TBL1XR1: variants seen among roughly 807,000 people sequenced by gnomAD.
TBL1XR1 encodes TBL1X/Y related 1.
A neutral mutation model predicts 66.9 loss-of-function variants in TBL1XR1; 5 were observed. The ratio of observed to expected loss-of-function variants is 0.07; its 90% CI spans 0.04 to 0.16. The LOEUF (loss-of-function observed/expected upper bound fraction) is 0.16. Among genes scored for constraint, TBL1XR1 ranks in the 10% least tolerant of loss-of-function variants. The pLI is 1.00. For synonymous variants in TBL1XR1, 210 were observed against 206.0 expected (o/e 1.02, Z -0.17); for missense variants, 238 against 623.2 (o/e 0.38, Z 6.58).
intron 1 of TBL1XR1, among the ~76,000 whole-genome samples, chr3:177,134,971 G>GTGTGTGTGTGTGTGTGTC (rs1283330297): frequency 0.085 from 12,374 of 145,408 alleles, 571 homozygotes; most frequent in Non-Finnish European, 0.12. Context: ...GTGTGTCTGT[G>GTGTGTGTGTGTGTGTGTC]TGTGTGTCTG....
chr3:177,141,496 T>C (rs1424855902), intron 1 of TBL1XR1, among the ~76,000 whole-genome samples: 2 of 152,244 alleles, frequency 1.3e-5, no homozygotes, highest in African/African-American at 4.8e-5. Context: ...ATAAATCGTA[T>C]TAAATATTTT....
Position 177,051,577 on chromosome 3 carries a change from G to C in TBL1XR1, c.354C>G (p.Ala118=). 6.2e-7 allele frequency: 1 copy of C among 1,613,508 alleles called. No individual in the cohort carries two copies. Among genetic ancestry groups the C allele is most frequent in the East Asian group, 2.2e-5 (1 of 44,848 alleles). ...AAAAAAAAAA[A]SQQGSAKNGE... is the part of the protein sequence containing the mutation. ...CATTTTTTGCAGATCCTTGTTGGCT[G>C]GCTGCAGCTGCGGCAGCTGCAGCAG... The change falls in exon 5 of 16, where the codon GCC becomes GCG. Residue 118 remains alanine, a synonymous_variant. Coordinates refer to ENST00000457928, the MANE Select transcript of TBL1XR1 (RefSeq NM_024665.7).
At chr3:177,135,333 G>GTGTGTGTGTGTGTGTGTGTGTATACA (rs1560213907) in intron 1 of TBL1XR1, among the ~76,000 whole-genome samples, 1 of 53,820 alleles carries the variant, frequency 1.9e-5, no homozygotes, top group Non-Finnish European at 3.7e-5. Context: ...GTGTGTGTGT[G>GTGTGTGTGTGTGTGTGTGTGTATACA]TATACATATA....
intron 10 of TBL1XR1, among the ~76,000 whole-genome samples, chr3:177,042,626 C>T (rs1454835439): frequency 1.3e-5 from 2 of 151,988 alleles, no homozygotes; most frequent in African/African-American, 4.8e-5. Context: ...CTTGATAGTA[C>T]AAGTTCTTTA....
intron 14 of TBL1XR1, among the ~76,000 whole-genome samples, chr3:177,030,024 C>T (rs1316029194): frequency 6.6e-6 from 1 of 151,824 alleles, no homozygotes; most frequent in Non-Finnish European, 1.5e-5. Flanking sequence ...CGTTGAAGAG[C>T]AGTTAGGCAC....
intron 1 of TBL1XR1, chr3:177,193,993 G>C (rs181323740): frequency 1.3e-5 from 2 of 152,208 alleles, no homozygotes; most frequent in African/African-American, 2.4e-5. Context: ...ACACCTCCTA[G>C]AGCATAGCCC....
chr3:177,060,702 GGA>G (rs1369223354), intron 3 of TBL1XR1, among the ~76,000 whole-genome samples: 6 of 152,152 alleles, frequency 3.9e-5, no homozygotes, highest in Non-Finnish European at 2.9e-5. Context: ...AAAAGGTGGG[GGA>G]GAGATTAAAA....
At position 177,024,038 on chromosome 3, in the gene TBL1XR1, ATATCTT is replaced by A. The variant is rs930287573; in HGVS notation, c.*1454_*1459del. On this transcript the variant is annotated 3_prime_UTR_variant, in exon 16 of 16. Transcript: ENST00000457928. The stretch of plus-strand genomic sequence containing the variant: ...TGCATGAGCACAAGGTTTAATATCT[ATATCTT>A]TAAGAAAATACTTGATATTATAAAC... 2.0e-5 allele frequency: 3 copies of A among 151,964 alleles called. No individual in the cohort carries two copies. The highest frequency in any genetic ancestry group is 6.6e-5 in the Admixed American group (1 of 15,246). 9.4% of individuals were successfully genotyped at this position (151,964 alleles called of 1,614,324 possible). A position where few individuals can be genotyped will look rare whatever the true frequency, so the allele number is the denominator to read the frequency against.
chr3:177,089,767 CAGTT>C (rs1465234536), intron 2 of TBL1XR1, among the ~76,000 whole-genome samples: 1 of 152,172 alleles, frequency 6.6e-6, no homozygotes, highest in South Asian at 2.1e-4. Flanking sequence ...TTGATCGACA[CAGTT>C]GGTAGACTTT....
intron 3 of TBL1XR1, among the ~76,000 whole-genome samples, chr3:177,064,304 C>G (rs1288149786): frequency 2.0e-5 from 3 of 152,160 alleles, no homozygotes; most frequent in Non-Finnish European, 4.4e-5. Context: ...CAACCATGTT[C>G]CCTCTTCTAC....
intron 7 of TBL1XR1, 24 bp downstream of exon 7, chr3:177,049,973 C>T (rs762636801): frequency 2.5e-6 from 4 of 1,610,666 alleles, no homozygotes; most frequent in Non-Finnish European, 3.4e-6. Context: ...TAATTATATC[C>T]ATCATGGATA....
intron 1 of TBL1XR1, among the ~76,000 whole-genome samples, chr3:177,162,861 T>C (rs1172303649): frequency 6.6e-6 from 1 of 152,296 alleles, no homozygotes; most frequent in East Asian, 1.9e-4. Flanking sequence ...ACTAAAGTAA[T>C]ATCTTCACTA....
At chr3:177,069,783 A>AAAGG (rs145829799) in intron 2 of TBL1XR1, among the ~76,000 whole-genome samples, 13,502 of 95,344 alleles carry the variant, frequency 0.14, 1,066 homozygotes, top group African/African-American at 0.17. Flanking sequence ...GAAAGGAAGG[A>AAAGG]AAAGGAAGGA....
intron 1 of TBL1XR1, among the ~76,000 whole-genome samples, chr3:177,141,851 A>C (rs1251947248): frequency 6.6e-6 from 1 of 152,232 alleles, no homozygotes; most frequent in African/African-American, 2.4e-5. Context: ...CTATATATAC[A>C]GTGAAACATT....
intron 14 of TBL1XR1, among the ~76,000 whole-genome samples, chr3:177,029,570 C>T (rs986308221): frequency 6.6e-6 from 1 of 152,094 alleles, no homozygotes; most frequent in African/African-American, 2.4e-5. Context: ...TGCAGTAAGC[C>T]TTGATCTGCC....
chr3:177,034,099 G>C (rs1481750716), intron 13 of TBL1XR1, 99 bp downstream of exon 13: 21 of 1,022,392 alleles, frequency 2.1e-5, no homozygotes, highest in Non-Finnish European at 2.9e-5. Flanking sequence ...AAAAAAAAAA[G>C]TTTCCACTTC....
At chr3:177,162,872 G>T (rs1479277170) in intron 1 of TBL1XR1, among the ~76,000 whole-genome samples, 1 of 152,166 alleles carries the variant, frequency 6.6e-6, no homozygotes, top group Non-Finnish European at 1.5e-5. Context: ...ATCTTCACTA[G>T]CAGATTATCA....
chr3:177,181,734 T>C (rs1375616384), intron 1 of TBL1XR1, among the ~76,000 whole-genome samples: 1 of 151,072 alleles, frequency 6.6e-6, no homozygotes, highest in African/African-American at 2.4e-5. Context: ...AGTAGATGTA[T>C]GGACTGGGTA....
intron 12 of TBL1XR1, chr3:177,037,803 T>TCCATCCATCCAG: frequency 4.1e-6 from 1 of 244,494 alleles, no homozygotes; most frequent in Non-Finnish European, 7.8e-6. Flanking sequence ...CATCCATCCA[T>TCCATCCATCCAG]CCATCTTCTT....
Sources: allele counts gnomAD v4.1 joint callset (sites outside exome capture counted in the v4.1 genomes callset), GRCh38; gene constraint gnomAD v4.1.1; transcripts MANE v1.5; gene names NCBI Gene and HGNC (gene_info 2026-07-23, HGNC 2026-07-21).